The following VPS72 variants were observed in gnomAD, a reference collection of about 807,000 sequenced individuals.
VPS72 encodes the protein vacuolar protein sorting 72 homolog, also known as vacuolar protein sorting-associated protein 72 homolog.
Under a neutral mutation model 38.9 loss-of-function variants are expected in VPS72, and 27 were observed. That is an observed-to-expected ratio of 0.69 (90% CI 0.51 to 0.96). The LOEUF (loss-of-function observed/expected upper bound fraction) is 0.96, where lower values mean the gene tolerates loss of function less well. Ranked by LOEUF, VPS72 falls within the 40% of genes least tolerant of loss-of-function variation. The pLI, the probability that VPS72 is intolerant of heterozygous loss-of-function variation, is 0.00. For synonymous variants in VPS72, 173 were observed against 186.3 expected (o/e 0.93, Z 0.58); for missense variants, 360 against 479.5 (o/e 0.75, Z 2.33).
intron 4 of VPS72, among the ~76,000 whole-genome samples, chr1:151,179,233 C>T (rs1463904793): frequency 6.6e-6 from 1 of 151,720 alleles, no homozygotes; most frequent in Non-Finnish European, 1.5e-5. Context: ...AGTGAGATTG[C>T]ATTATTGCAC....
chr1:151,185,655 G>A (rs1684333089), intron 2 of VPS72, 35 bp from the exon 3 acceptor site: 2 of 1,611,876 alleles, frequency 1.2e-6, no homozygotes, highest in South Asian at 1.1e-5. Flanking sequence ...CTGGGGAACA[G>A]AAGAAGTCAG....
intron 4 of VPS72, among the ~76,000 whole-genome samples, chr1:151,181,775 A>G (rs1361380282): frequency 2.0e-5 from 3 of 152,134 alleles, no homozygotes; most frequent in Admixed American, 2.0e-4. Context: ...CAGTCTCCTC[A>G]AGCTTCCAGC....
intron 1 of VPS72, among the ~76,000 whole-genome samples, chr1:151,187,496 T>C (rs1017785499): frequency 6.6e-6 from 1 of 152,218 alleles, no homozygotes; most frequent in Non-Finnish European, 1.5e-5. Context: ...CAGAGGGTAG[T>C]AGATCAACCA....
intron 3 of VPS72, 142 bp downstream of exon 3, chr1:151,185,364 G>C: frequency 2.7e-6 from 2 of 747,750 alleles, no homozygotes; most frequent in Non-Finnish European, 4.7e-6. Flanking sequence ...GACCTCAGGT[G>C]ATCTACCCGC....
chr1:151,189,499 AG>A (rs2101731888), intron 1 of VPS72, among the ~76,000 whole-genome samples: 1 of 152,336 alleles, frequency 6.6e-6, no homozygotes, highest in Non-Finnish European at 1.5e-5. Flanking sequence ...GACACTTGTT[AG>A]GATAGTCAAG....
chr1:151,176,473 A>G lies in VPS72; in HGVS notation c.*171T>C. On this transcript the variant is annotated 3_prime_UTR_variant, in exon 6 of 6. Transcript: ENST00000368892. ...GACACCAGACAAAAGGGATCTTTCT[A>G]TTTTATTAGATTAAAAAACACAACG... The G allele has an allele frequency of 1.7e-6, 2 of 1,154,404 alleles. No individual in the cohort carries two copies. The highest frequency in any genetic ancestry group is 2.4e-6 in the Non-Finnish European group (2 of 828,200). The allele number at this position is 1,154,404 out of a possible 1,614,324, so 71.5% of individuals were successfully genotyped here.
At chr1:151,185,692 A>G (rs1684333577) in intron 2 of VPS72, 72 bp from the exon 3 acceptor site, 1 of 1,608,128 alleles carries the variant, frequency 6.2e-7, no homozygotes, top group Non-Finnish European at 8.5e-7. Flanking sequence ...TCAATGAGAG[A>G]AAACTAGCAT....
chr1:151,177,870 G>T, intron 5 of VPS72, 131 bp downstream of exon 5: 1 of 1,068,022 alleles, frequency 9.4e-7, no homozygotes, highest in Non-Finnish European at 1.3e-6. Context: ...AAGAAATTGA[G>T]CTGAAGGGAG....
chr1:151,188,185 C>T (rs1294537599), intron 1 of VPS72, among the ~76,000 whole-genome samples: 1 of 152,018 alleles, frequency 6.6e-6, no homozygotes, highest in Non-Finnish European at 1.5e-5. Flanking sequence ...TACAGGCACA[C>T]GCCACCACAA....
At chr1:151,189,185 C>T (rs1684410381) in intron 1 of VPS72, among the ~76,000 whole-genome samples, 1 of 152,178 alleles carries the variant, frequency 6.6e-6, no homozygotes, top group Non-Finnish European at 1.5e-5. Flanking sequence ...CAGGCAGTTA[C>T]CCCACTGGGG....
Position 151,177,012 on chromosome 1 carries a change from C to A in VPS72, c.727G>T (p.Val243Leu), listed in dbSNP as rs775605406. 30 of 1,573,206 alleles carry A rather than the reference C, an allele frequency of 1.9e-5. No individual in the cohort carries two copies. The highest frequency in any genetic ancestry group is 2.3e-5 in the Non-Finnish European group (27 of 1,157,876). Residue 243 changes from valine to leucine, a missense_variant, in exon 6 of 6, where the codon GTG (valine) becomes TTG (leucine). By Grantham distance (32) the Val-to-Leu change is conservative. Transcript: ENST00000368892. ...CCAGCATGAGGAGTCAATGCAGACACCGAGGGAGCAGGATCAAGTCTGAGG... is the reference window on the plus strand; with the variant it reads ...CCAGCATGAGGAGTCAATGCAGACAACGAGGGAGCAGGATCAAGTCTGAGG... ...DIEGLDPAPSVSALTPHAGTG... is the reference protein window; with the variant it reads ...DIEGLDPAPSLSALTPHAGTG...
intron 4 of VPS72, among the ~76,000 whole-genome samples, chr1:151,179,911 C>T (rs775175330): frequency 1.3e-5 from 2 of 151,718 alleles, no homozygotes; most frequent in South Asian, 2.1e-4. Flanking sequence ...AACAAACATA[C>T]GAAAAAAAAT....
At chr1:151,186,887 G>A (rs1316623052) in intron 1 of VPS72, among the ~76,000 whole-genome samples, 7 of 152,304 alleles carry the variant, frequency 4.6e-5, no homozygotes, top group Non-Finnish European at 1.0e-4. Flanking sequence ...TAATAAACAC[G>A]CTTTTAACCT....
chr1:151,189,793 GCC>G (rs1684424920), intron 1 of VPS72, among the ~76,000 whole-genome samples: 1 of 151,948 alleles, frequency 6.6e-6, no homozygotes, highest in African/African-American at 2.4e-5. Flanking sequence ...TCCGTCTCAG[GCC>G]CCTTTGACCC....
In VPS72 at chr1:151,176,805, T is replaced by A. The variant is rs1684111836; in HGVS notation, c.934A>T (p.Thr312Ser). The A allele has an allele frequency of 6.2e-7, 1 of 1,613,972 alleles. No homozygotes were observed. Among genetic ancestry groups the A allele is most frequent in the African/African-American group, 1.3e-5 (1 of 74,892 alleles). ...CGAATGATCTTGAAGGCTCGAGCAGTGGCATAGGGTATGTCTGTAACAGGG... is the reference window on the plus strand; with the variant it reads ...CGAATGATCTTGAAGGCTCGAGCAGAGGCATAGGGTATGTCTGTAACAGGG... ...RDPVTDIPYA[T>S]ARAFKIIREA... The change falls in exon 6 of 6, where the codon ACT (threonine) becomes TCT (serine). Residue 312 changes from threonine (T) to serine (S), a missense_variant. Physicochemically the swap from Thr to Ser is moderately conservative, Grantham distance 58. Transcript: ENST00000368892.
chr1:151,180,807 T>C (rs766861792), intron 4 of VPS72, among the ~76,000 whole-genome samples: 1 of 152,216 alleles, frequency 6.6e-6, no homozygotes, highest in Non-Finnish European at 1.5e-5. Context: ...AACTCATCTA[T>C]ATCCTCAAGC....
intron 4 of VPS72, among the ~76,000 whole-genome samples, chr1:151,183,571 C>T (rs951054371): frequency 2.0e-5 from 3 of 151,324 alleles, no homozygotes; most frequent in Admixed American, 2.0e-4. Flanking sequence ...AAATGATTCT[C>T]TTGCCTCAGC....
intron 3 of VPS72, 100 bp downstream of exon 3, chr1:151,185,406 G>A: frequency 8.3e-7 from 1 of 1,200,326 alleles, no homozygotes; most frequent in Non-Finnish European, 1.2e-6. Flanking sequence ...GATTCTAGGA[G>A]TGAGCCACCG....
Position 151,190,092 on chromosome 1 carries a change from C to T in VPS72, c.30G>A (p.Arg10=). 6.2e-7 allele frequency: 1 copy of T among 1,614,116 alleles called. No individual in the cohort carries two copies. Among genetic ancestry groups the T allele is most frequent in the Non-Finnish European group, 8.5e-7 (1 of 1,180,024 alleles). Residue 10 remains arginine (R), a synonymous_variant, in exon 1 of 6, where the codon CGG becomes CGA. Transcript: ENST00000368892. The part of the protein sequence containing the change: MSLAGGRAP[R]KTAGNRLSGL... ...CAGAAAGCCGGTTCCCAGCGGTCTT[C>T]CGGGGTGCCCGGCCCCCAGCCAAAC...
Sources: gnomAD v4.1 joint callset for allele counts (sites outside exome capture counted in the v4.1 genomes callset) on GRCh38, gnomAD v4.1.1 for gene constraint, MANE v1.5 for transcripts, NCBI Gene and HGNC (gene_info 2026-07-23, HGNC 2026-07-21) for gene names.